The following RIMS3 variants were observed in gnomAD, a reference collection of about 807,000 sequenced individuals.
RIMS3 encodes the protein regulating synaptic membrane exocytosis protein 3.
A neutral mutation model predicts 29.2 loss-of-function variants in RIMS3; 15 were observed. That is an observed-to-expected ratio of 0.51 (90% CI 0.34 to 0.79). The LOEUF is 0.79. Ranked by LOEUF, RIMS3 falls within the 30% of genes least tolerant of loss-of-function variation. RIMS3 has a pLI of 0.01. For synonymous variants in RIMS3, 161 were observed against 170.1 expected, an observed-to-expected ratio of 0.95 and a Z score of 0.41; for missense variants, 342 against 421.4, an observed-to-expected ratio of 0.81 and a Z score of 1.65.
chr1:40,691,132 T>C, the RIMS3 span: 1 of 152,466 alleles, frequency 6.6e-6, no homozygotes, highest in Admixed American at 6.5e-5. Context: ...GATAAAACTT[T>C]AAAATCTGCA....
At chr1:40,641,591 G>T in intron 3 of RIMS3, 118 bp downstream of exon 3, 1 of 961,380 alleles carries the variant, frequency 1.0e-6, no homozygotes, top group Non-Finnish European at 1.6e-6. Context: ...GTATGGGAAG[G>T]GCCACAGTAT....
At chr1:40,644,025 G>A (rs636579) in intron 2 of RIMS3, among the ~76,000 whole-genome samples, 2 of 146,976 alleles carry the variant, frequency 1.4e-5, no homozygotes, top group Middle Eastern at 3.4e-3. Flanking sequence ...CTTGTCCAAG[G>A]GGGGGAAGAT....
Position 40,625,564 on chromosome 1 carries a change from A to T in RIMS3, c.*953T>A, listed in dbSNP as rs1345564417. Reference sequence around the variant, plus strand: ...ACCCACAGAACCTCCTTACCGAGTCATGCCCACCAGGAATGAGCCCTGAGG... The same window carrying T: ...ACCCACAGAACCTCCTTACCGAGTCTTGCCCACCAGGAATGAGCCCTGAGG... On this transcript the variant is annotated 3_prime_UTR_variant, in exon 8 of 8. Transcript: ENST00000372684. 1 of 152,228 alleles carries T rather than the reference A, an allele frequency of 6.6e-6. No homozygotes were observed. The highest frequency in any genetic ancestry group is 1.5e-5 in the Non-Finnish European group (1 of 68,092). 9.4% of individuals were successfully genotyped at this position (152,228 alleles called of 1,614,324 possible). A position where few individuals can be genotyped will look rare whatever the true frequency, so the allele number is the denominator to read the frequency against.
At chr1:40,675,376 G>A in the RIMS3 span, among the ~76,000 whole-genome samples, 39 of 151,898 alleles carry the variant, frequency 2.6e-4, no homozygotes, top group Non-Finnish European at 3.1e-4. Context: ...AATTCCAACC[G>A]GTTGGGAGGC....
chr1:40,632,280 A>C (rs1262845644), intron 5 of RIMS3, among the ~76,000 whole-genome samples: 1 of 152,048 alleles, frequency 6.6e-6, no homozygotes, highest in Admixed American at 6.5e-5. Context: ...GTGGGCCCGT[A>C]AGATTATAAT....
chr1:40,650,863 C>CCA (rs1408432507), intron 1 of RIMS3, among the ~76,000 whole-genome samples: 22 of 64,568 alleles, frequency 3.4e-4, no homozygotes, highest in African/African-American at 1.6e-3. Flanking sequence ...CAGACTCTGT[C>CCA]AAAAAAAAAA....
At chr1:40,631,848 T>C (rs1289608871) in intron 5 of RIMS3, among the ~76,000 whole-genome samples, 1 of 152,072 alleles carries the variant, frequency 6.6e-6, no homozygotes, top group African/African-American at 2.4e-5. Flanking sequence ...GGCACATGCC[T>C]GTAATCTCAG....
At position 40,626,741 on chromosome 1, in the gene RIMS3, A is replaced by G; in HGVS notation, c.715-12T>C. The G allele has an allele frequency of 6.2e-7, 1 of 1,613,446 alleles. No individual in the cohort carries two copies. Among genetic ancestry groups the G allele is most frequent in the Non-Finnish European group, 8.5e-7 (1 of 1,179,646 alleles). ...CCCCAGACGATCACCTGCCAGGAGG[A>G]AGAGAGGGAGGGAGTGAGCCACCTC... On this transcript the variant is annotated splice_polypyrimidine_tract_variant and intron_variant, in intron 7 of 7. Coordinates refer to ENST00000372684, the MANE Select transcript of RIMS3 (RefSeq NM_014747.3).
chr1:40,666,307 C>G (rs1029558902), upstream of RIMS3, among the ~76,000 whole-genome samples: 8 of 152,188 alleles, frequency 5.3e-5, no homozygotes, highest in Non-Finnish European at 1.2e-4. Context: ...TCGACCATGT[C>G]TGGAGACATT....
At chr1:40,637,475 A>G (rs1450484031) in intron 3 of RIMS3, among the ~76,000 whole-genome samples, 2 of 134,688 alleles carry the variant, frequency 1.5e-5, no homozygotes, top group Non-Finnish European at 3.2e-5. Flanking sequence ...GACACCATCA[A>G]CATGTCAGTC....
At chr1:40,686,854 A>C in the RIMS3 span, among the ~76,000 whole-genome samples, 7 of 152,154 alleles carry the variant, frequency 4.6e-5, 1 homozygote, top group Non-Finnish European at 7.3e-5. Flanking sequence ...GGAAGTCTCC[A>C]CATGGTCATT....
chr1:40,638,613 A>G (rs1646536399), intron 3 of RIMS3, among the ~76,000 whole-genome samples: 1 of 152,308 alleles, frequency 6.6e-6, no homozygotes, highest in African/African-American at 2.4e-5. Flanking sequence ...CCCAGAGTCC[A>G]GAAGGGGAAA....
chr1:40,680,933 C>T, the RIMS3 span, among the ~76,000 whole-genome samples: 1 of 152,196 alleles, frequency 6.6e-6, no homozygotes, highest in Non-Finnish European at 1.5e-5. Flanking sequence ...AACTTTTCTG[C>T]TTCTTTACCC....
chr1:40,646,715 TTG>T lies in RIMS3; in HGVS notation c.-32+951_-32+952del, dbSNP rs1306776436. Among the ~76,000 whole-genome samples, 9 of 152,038 alleles carry T rather than the reference TTG, an allele frequency of 5.9e-5. No homozygotes were observed. The South Asian group carries it at 1.5e-3, about 25-fold the overall frequency. On this transcript the variant is annotated intron_variant, in intron 2 of 7. Transcript: ENST00000372684. Reference sequence around the variant, plus strand: ...CTGCCCAGCTCCCCAGGAATAAGCTTTGTGTTTTCTTTTTAGCCCTTGGATGT... The same window carrying T: ...CTGCCCAGCTCCCCAGGAATAAGCTTTGTTTTCTTTTTAGCCCTTGGATGT...
intron 1 of RIMS3, among the ~76,000 whole-genome samples, chr1:40,663,135 C>T (rs937358305): frequency 6.6e-6 from 1 of 152,142 alleles, no homozygotes; most frequent in African/African-American, 2.4e-5. Flanking sequence ...TCACTCCTCC[C>T]CTGGGTCAAC....
At chr1:40,658,749 C>CAG (rs1642307286) in intron 1 of RIMS3, among the ~76,000 whole-genome samples, 1 of 152,236 alleles carries the variant, frequency 6.6e-6, no homozygotes, top group Admixed American at 6.5e-5. Flanking sequence ...AGGCAGGGTG[C>CAG]AGAGAATGGC....
chr1:40,633,593 G>C (rs1191368380), intron 4 of RIMS3, among the ~76,000 whole-genome samples: 1 of 152,196 alleles, frequency 6.6e-6, no homozygotes, highest in Admixed American at 6.5e-5. Context: ...TGAGTTGACT[G>C]CAAGTTTGAA....
chr1:40,689,898 C>T, the RIMS3 span, among the ~76,000 whole-genome samples: 2 of 152,208 alleles, frequency 1.3e-5, no homozygotes, highest in Admixed American at 1.3e-4. Context: ...CTCCTATTCA[C>T]AAACCAGCAA....
Position 40,641,884 on chromosome 1 carries a change from G to T in RIMS3, c.42C>A (p.Ser14=). 1 of 1,613,678 alleles carries T rather than the reference G, an allele frequency of 6.2e-7. No homozygotes were observed. Among genetic ancestry groups the T allele is most frequent in the Non-Finnish European group, 8.5e-7 (1 of 1,179,618 alleles). Residue 14 remains serine, a synonymous_variant, in exon 3 of 8, where the codon TCC becomes TCA. Transcript: ENST00000372684. The part of the protein sequence containing the change: ...GEPGPASSGA[S]RNVVRSSSIS... ...TGCTGGAGCTCCGCACCACATTCCT[G>T]GAGGCCCCAGATGAGGCAGGACCTG... is the stretch of plus-strand genomic sequence containing the variant.
Sources: allele counts gnomAD v4.1 joint callset (sites outside exome capture counted in the v4.1 genomes callset), GRCh38; gene constraint gnomAD v4.1.1; transcripts MANE v1.5; gene names NCBI Gene and HGNC (gene_info 2026-07-23, HGNC 2026-07-21).